Variants in RABGAP1L observed in about 807,000 individuals in gnomAD.
RABGAP1L encodes RAB GTPase activating protein 1 like.
RABGAP1L carries 63 observed loss-of-function variants against 137.7 expected under a neutral mutation model. The ratio of observed to expected loss-of-function variants is 0.46; its 90% CI spans 0.37 to 0.56. The LOEUF is 0.56. Ranked by LOEUF, RABGAP1L falls within the 20% of genes least tolerant of loss-of-function variation. RABGAP1L has a pLI of 0.00. For synonymous variants in RABGAP1L, 431 were observed against 433.7 expected (o/e 0.99, Z 0.08); for missense variants, 1,095 against 1,244.0 (o/e 0.88, Z 1.80).
intron 18 of RABGAP1L, among the ~76,000 whole-genome samples, chr1:174,763,764 G>A (rs1321441006): frequency 1.4e-5 from 2 of 147,434 alleles, no homozygotes; most frequent in Non-Finnish European, 3.0e-5. Context: ...CGTGAACCCG[G>A]GAGGCGGAGC....
chr1:174,298,600 A>C (rs1677354371), intron 10 of RABGAP1L, among the ~76,000 whole-genome samples: 1 of 152,274 alleles, frequency 6.6e-6, no homozygotes, highest in East Asian at 1.9e-4. Flanking sequence ...AATGTGTCTT[A>C]AGGGGGTTGA....
chr1:174,676,991 A>G (rs1677677973), intron 14 of RABGAP1L, among the ~76,000 whole-genome samples: 1 of 152,092 alleles, frequency 6.6e-6, no homozygotes, highest in Admixed American at 6.6e-5. Context: ...CAAGATTTTA[A>G]TATTTGTTTC....
rs571151066 is a variant in RABGAP1L at position 174,213,815 on chromosome 1, G to T, written c.-33-5310G>T. On this transcript the variant is annotated intron_variant, in intron 1 of 25. Transcript: ENST00000681986. The stretch of plus-strand genomic sequence containing the variant: ...TCGCTTCGTGATAAAAACCCTTAAA[G>T]AACTGGGTAAGGAAGAAATATACTT... Among the ~76,000 whole-genome samples the T allele has an allele frequency of 2.0e-5, 3 of 152,264 alleles. No individual in the cohort carries two copies. The South Asian group carries it at 6.2e-4, about 32-fold the overall frequency.
intron 13 of RABGAP1L, among the ~76,000 whole-genome samples, chr1:174,438,212 G>A (rs1653657657): frequency 6.6e-6 from 1 of 152,102 alleles, no homozygotes; most frequent in African/African-American, 2.4e-5. Context: ...CTTGAAATCA[G>A]GTTGTGCCAG....
intron 11 of RABGAP1L, among the ~76,000 whole-genome samples, chr1:174,327,978 T>C (rs1366326116): frequency 1.0e-3 from 19 of 19,068 alleles, no homozygotes; most frequent in Non-Finnish European, 1.1e-3. Flanking sequence ...TATATATATA[T>C]ACACACACAT....
intron 19 of RABGAP1L, among the ~76,000 whole-genome samples, chr1:174,820,101 T>G (rs368798978): frequency 3.3e-5 from 5 of 152,172 alleles, no homozygotes; most frequent in East Asian, 1.9e-4. Context: ...CTAGTCTATA[T>G]TGTTGTAGAC....
At chr1:174,451,433 C>T (rs904863434) in intron 13 of RABGAP1L, among the ~76,000 whole-genome samples, 1 of 152,344 alleles carries the variant, frequency 6.6e-6, no homozygotes, top group Non-Finnish European at 1.5e-5. Flanking sequence ...ATGCCAGGCT[C>T]ACTGTTCACT....
At chr1:174,210,951 C>A (rs952122835) in intron 1 of RABGAP1L, among the ~76,000 whole-genome samples, 2 of 152,052 alleles carry the variant, frequency 1.3e-5, no homozygotes, top group Non-Finnish European at 2.9e-5. Flanking sequence ...GTTTAAAGTG[C>A]TGAAGGAAAA....
intron 13 of RABGAP1L, among the ~76,000 whole-genome samples, chr1:174,612,735 C>A (rs1338285817): frequency 2.6e-5 from 4 of 152,106 alleles, no homozygotes; most frequent in Admixed American, 6.5e-5. Flanking sequence ...AATTTCAGAG[C>A]CTGTTATTGG....
intron 15 of RABGAP1L, among the ~76,000 whole-genome samples, chr1:174,692,847 A>G (rs1257596320): frequency 6.6e-6 from 1 of 152,198 alleles, no homozygotes; most frequent in Non-Finnish European, 1.5e-5. Flanking sequence ...TAATACTTGT[A>G]GCATCCCTAT....
At chr1:174,952,857 TG>T (rs1396431776) in intron 19 of RABGAP1L, among the ~76,000 whole-genome samples, 2 of 152,002 alleles carry the variant, frequency 1.3e-5, no homozygotes, top group African/African-American at 4.8e-5. Context: ...CCCACAGGGC[TG>T]GGATTATAGG....
At chr1:174,210,935 G>C (rs1458928167) in intron 1 of RABGAP1L, among the ~76,000 whole-genome samples, 1 of 152,092 alleles carries the variant, frequency 6.6e-6, no homozygotes, top group Non-Finnish European at 1.5e-5. Flanking sequence ...GAGAGCAGCA[G>C]GACATGTTTA....
At chr1:174,622,968 A>T (rs746888178) in intron 13 of RABGAP1L, among the ~76,000 whole-genome samples, 38 of 152,190 alleles carry the variant, frequency 2.5e-4, no homozygotes, top group Non-Finnish European at 4.7e-4. Context: ...TACTTTATGA[A>T]AAGGAATTTC....
intron 7 of RABGAP1L, among the ~76,000 whole-genome samples, chr1:174,255,405 A>G (rs988041658): frequency 6.6e-6 from 1 of 152,236 alleles, no homozygotes; most frequent in African/African-American, 2.4e-5. Context: ...AGAGTTAAAA[A>G]CAATACAACT....
At chr1:174,193,438 A>G (rs780955945) in intron 1 of RABGAP1L, among the ~76,000 whole-genome samples, 14 of 152,216 alleles carry the variant, frequency 9.2e-5, no homozygotes, top group Non-Finnish European at 1.5e-4. Context: ...AGGCTGAGGC[A>G]TGAGAATCGC....
intron 19 of RABGAP1L, among the ~76,000 whole-genome samples, chr1:174,878,766 A>G (rs1387685566): frequency 6.6e-6 from 1 of 152,110 alleles, no homozygotes; most frequent in Non-Finnish European, 1.5e-5. Context: ...AAAAGACTTA[A>G]GGGTTATATC....
In RABGAP1L at chr1:174,688,597, C is replaced by A. The variant is rs546605363; in HGVS notation, c.1899+5001C>A. Among the ~76,000 whole-genome samples, 16 of 152,158 alleles carry A rather than the reference C, an allele frequency of 1.1e-4. No individual in the cohort carries two copies. The East Asian group carries it at 3.1e-3, about 29-fold the overall frequency. ...ATTTACGCACTTGTACATCAAAATA[C>A]ATGTATTACTTTTGTCCTAATTAAT... On this transcript the variant is annotated intron_variant, in intron 15 of 25. Coordinates refer to ENST00000681986, the MANE Select transcript of RABGAP1L (RefSeq NM_001366446.1).
At chr1:174,810,127 A>G (rs1689728942) in intron 18 of RABGAP1L, among the ~76,000 whole-genome samples, 2 of 152,202 alleles carry the variant, frequency 1.3e-5, no homozygotes, top group African/African-American at 4.8e-5. Flanking sequence ...TTTAAAGGGC[A>G]GGGGAAAAGG....
At chr1:174,377,585 C>T (rs951677780) in intron 12 of RABGAP1L, among the ~76,000 whole-genome samples, 1 of 151,966 alleles carries the variant, frequency 6.6e-6, no homozygotes, top group African/African-American at 2.4e-5. Flanking sequence ...TACAAATGGC[C>T]AAGTAGCACA....
Sources: gnomAD v4.1 joint callset for allele counts (sites outside exome capture counted in the v4.1 genomes callset) on GRCh38, gnomAD v4.1.1 for gene constraint, MANE v1.5 for transcripts, NCBI Gene and HGNC (gene_info 2026-07-23, HGNC 2026-07-21) for gene names.